Variants in RTN4R observed in about 807,000 individuals in gnomAD.
RTN4R encodes the protein reticulon-4 receptor.
A neutral mutation model predicts 27.7 loss-of-function variants in RTN4R; 4 were observed. The ratio of observed to expected loss-of-function variants is 0.14; its 90% CI spans 0.07 to 0.33. The LOEUF is 0.33. RTN4R is among the 10% of genes least tolerant of loss of function. The pLI, the probability that RTN4R is intolerant of heterozygous loss-of-function variation, is 1.00. For missense variants in RTN4R, 554 were observed against 671.5 expected (o/e 0.83, Z 1.93); for synonymous variants, 290 against 305.6 (o/e 0.95, Z 0.53).
intron 1 of RTN4R, among the ~76,000 whole-genome samples, chr22:20,252,791 C>T (rs1026854628): frequency 6.6e-6 from 1 of 152,118 alleles, no homozygotes; most frequent in African/African-American, 2.4e-5. Context: ...TCTTGCAGCC[C>T]TGGGCTCAGA....
At chr22:20,264,933 G>A (rs1250767125) in intron 1 of RTN4R, among the ~76,000 whole-genome samples, 9 of 152,178 alleles carry the variant, frequency 5.9e-5, no homozygotes, top group Admixed American at 5.2e-4. Flanking sequence ...AGGGCCGGGC[G>A]GGGCGCCTGG....
intron 1 of RTN4R, among the ~76,000 whole-genome samples, chr22:20,254,162 T>G (rs961053215): frequency 1.3e-5 from 2 of 152,062 alleles, no homozygotes; most frequent in Admixed American, 6.6e-5. Flanking sequence ...TGAGCAGCAG[T>G]GCACGCCGGT....
chr22:20,245,747 G>C (rs1158112729), intron 1 of RTN4R, among the ~76,000 whole-genome samples: 2 of 152,142 alleles, frequency 1.3e-5, no homozygotes. Flanking sequence ...GAGATAGCAT[G>C]GCCTCCCTGC....
In RTN4R at chr22:20,265,684, C is replaced by T. The variant is rs531229040; in HGVS notation, c.22+2387G>A. Among the ~76,000 whole-genome samples the T allele has an allele frequency of 5.9e-5, 9 of 152,326 alleles. No homozygotes were observed. In the South Asian group the frequency reaches 1.4e-3, roughly 25 times the overall value. On this transcript the variant is annotated intron_variant, in intron 1 of 1. Transcript: ENST00000043402. ...CTCCACTCACCTGTGGCCCGAGTTG[C>T]CTGACTAGGGGCTTTTATTGTCCCT...
At chr22:20,263,593 G>A (rs867309462) in intron 1 of RTN4R, among the ~76,000 whole-genome samples, 1 of 152,338 alleles carries the variant, frequency 6.6e-6, no homozygotes, top group Middle Eastern at 3.4e-3. Flanking sequence ...CTCTGAGTGA[G>A]GCTGGGTCAG....
intron 1 of RTN4R, among the ~76,000 whole-genome samples, chr22:20,244,104 A>C (rs374694778): frequency 6.6e-6 from 1 of 152,226 alleles, no homozygotes; most frequent in Non-Finnish European, 1.5e-5. Flanking sequence ...TGAGTCTATT[A>C]AAATGTGAAT....
At chr22:20,259,102 G>A (rs773163839) in intron 1 of RTN4R, among the ~76,000 whole-genome samples, 8 of 152,112 alleles carry the variant, frequency 5.3e-5, no homozygotes, top group East Asian at 1.9e-4. Context: ...TGGGCAGCTC[G>A]GGGTTGGGGA....
At chr22:20,263,302 C>T (rs2051258248) in intron 1 of RTN4R, among the ~76,000 whole-genome samples, 1 of 152,182 alleles carries the variant, frequency 6.6e-6, no homozygotes, top group Non-Finnish European at 1.5e-5. Flanking sequence ...AAACAGGTTC[C>T]TGGGCACACC....
intron 1 of RTN4R, among the ~76,000 whole-genome samples, chr22:20,258,903 C>T (rs2051228175): frequency 6.6e-6 from 1 of 152,070 alleles, no homozygotes; most frequent in South Asian, 2.1e-4. Flanking sequence ...GGGGGTGGTC[C>T]TGACATGTAC....
intron 1 of RTN4R, chr22:20,243,414 C>A (rs940178142): frequency 9.2e-6 from 6 of 649,796 alleles, no homozygotes; most frequent in Non-Finnish European, 1.8e-5. Context: ...ACTTGAAGGC[C>A]TCCTGGAATG....
chr22:20,247,608 C>T (rs1160051832), intron 1 of RTN4R, among the ~76,000 whole-genome samples: 1 of 152,138 alleles, frequency 6.6e-6, no homozygotes, highest in Non-Finnish European at 1.5e-5. Flanking sequence ...CCTTCCAGGG[C>T]TCCAGGTGCT....
At chr22:20,243,144 G>A (rs2051119584) in intron 1 of RTN4R, 34 bp from the exon 2 acceptor site, 1 of 1,591,242 alleles carries the variant, frequency 6.3e-7, no homozygotes, top group Non-Finnish European at 8.5e-7. Flanking sequence ...TAGCAGGAAG[G>A]GCAGGGGTAC....
intron 1 of RTN4R, among the ~76,000 whole-genome samples, chr22:20,265,774 T>C (rs1433428489): frequency 6.6e-6 from 1 of 151,998 alleles, no homozygotes; most frequent in African/African-American, 2.4e-5. Flanking sequence ...CTCTGCTGAG[T>C]GGGGGTGTGG....
chr22:20,264,436 G>A (rs528838471), intron 1 of RTN4R, among the ~76,000 whole-genome samples: 2 of 152,344 alleles, frequency 1.3e-5, no homozygotes, highest in South Asian at 2.1e-4. Context: ...CCGCCGCTCC[G>A]ATCGGGCTTC....
chr22:20,244,361 C>T (rs751457980), intron 1 of RTN4R, among the ~76,000 whole-genome samples: 40 of 152,326 alleles, frequency 2.6e-4, no homozygotes, highest in Middle Eastern at 3.4e-3. Flanking sequence ...GTCCTCTCTA[C>T]TTGGGCAGAC....
chr22:20,267,684 G>T (rs1487576202), intron 1 of RTN4R: 1 of 456,046 alleles, frequency 2.2e-6, no homozygotes, highest in Non-Finnish European at 4.5e-6. Context: ...ACCCACCCTC[G>T]GTACCCACGT....
chr22:20,264,020 A>AG (rs67210955), intron 1 of RTN4R, among the ~76,000 whole-genome samples: 147,072 of 152,356 alleles, frequency 0.97, 71,030 homozygotes, highest in East Asian at 1. Flanking sequence ...CGGTTGTCAA[A>AG]GCCTCAGTGG....
At chr22:20,245,674 C>T (rs1010084475) in intron 1 of RTN4R, among the ~76,000 whole-genome samples, 1 of 152,218 alleles carries the variant, frequency 6.6e-6, no homozygotes, top group Non-Finnish European at 1.5e-5. Flanking sequence ...GGCCCTCTCG[C>T]CCACCTTTCT....
rs1888074231 is a variant in RTN4R, at chr22:20,242,365, C to T, written c.768G>A (p.Arg256=). Reference sequence around the variant, plus strand: ...CACACACCCAGGGGTTGTCGTTGAGCCTCAGGTACTGCAGGGCACGCAGGG... The same window carrying T: ...CACACACCCAGGGGTTGTCGTTGAGTCTCAGGTACTGCAGGGCACGCAGGG... ...LAPLRALQYL[R]LNDNPWVCDC... Residue 256 remains arginine (R), a synonymous_variant, in exon 2 of 2, where the codon AGG becomes AGA. Transcript: ENST00000043402. The T allele has an allele frequency of 1.9e-6, 3 of 1,612,720 alleles. No homozygotes were observed. The highest frequency in any genetic ancestry group is 2.5e-6 in the Non-Finnish European group (3 of 1,179,884).
Sources: allele counts gnomAD v4.1 joint callset (sites outside exome capture counted in the v4.1 genomes callset), GRCh38; gene constraint gnomAD v4.1.1; transcripts MANE v1.5; gene names NCBI Gene and HGNC (gene_info 2026-07-23, HGNC 2026-07-21).